The following DNM2 variants were observed in gnomAD, a reference collection of about 807,000 sequenced individuals.
DNM2 encodes dynamin-2.
A neutral mutation model predicts 99.0 loss-of-function variants in DNM2; 15 were observed. The ratio of observed to expected loss-of-function variants is 0.15; its 90% CI spans 0.10 to 0.23. The LOEUF is 0.23. Among genes scored for constraint, DNM2 ranks in the 10% least tolerant of loss-of-function variants. The pLI is 1.00. For missense variants in DNM2, 742 were observed against 1,189.4 expected, an observed-to-expected ratio of 0.62 and a Z score of 5.53; for synonymous variants, 525 against 481.2, an observed-to-expected ratio of 1.09 and a Z score of -1.19.
intron 18 of DNM2, among the ~76,000 whole-genome samples, chr19:10,827,403 TATAAA>T (rs1331886677): frequency 7.2e-5 from 11 of 151,976 alleles, no homozygotes; most frequent in African/African-American, 2.2e-4. Flanking sequence ...AATAGACTCT[TATAAA>T]ATAAAAATAT....
intron 3 of DNM2, among the ~76,000 whole-genome samples, chr19:10,774,124 T>C (rs2071072632): frequency 6.6e-6 from 1 of 152,220 alleles, no homozygotes; most frequent in African/African-American, 2.4e-5. Flanking sequence ...TTTGCACACA[T>C]ATTTTAGGTT....
In DNM2 at chr19:10,830,924, C is replaced by T. The variant is rs1306891811; in HGVS notation, c.2544-54C>T. On this transcript the variant is annotated intron_variant, in intron 20 of 20. Coordinates refer to ENST00000389253, the MANE Select transcript of DNM2 (RefSeq NM_001005361.3). The surrounding 1 kb of genome is among the most constrained non-coding windows in gnomAD (Gnocchi z 4.8). ...GTCCTCAACCCAGGCCTGCCTCTTG[C>T]TCCCGGCCTCACTGCCGTCTCCCCC... The T allele has an allele frequency of 6.4e-7, 1 of 1,569,544 alleles. No homozygotes were observed. The highest frequency in any genetic ancestry group is 8.7e-7 in the Non-Finnish European group (1 of 1,155,032).
intron 2 of DNM2, among the ~76,000 whole-genome samples, chr19:10,761,836 G>A (rs750709996): frequency 1.3e-5 from 2 of 152,138 alleles, no homozygotes; most frequent in Admixed American, 6.5e-5. Flanking sequence ...GACAGCAGCC[G>A]ATGGGCCCAC....
chr19:10,802,128 A>G (rs1234011693), intron 11 of DNM2, among the ~76,000 whole-genome samples, 160 bp from the exon 12 acceptor site: 1 of 151,896 alleles, frequency 6.6e-6, no homozygotes, highest in Non-Finnish European at 1.5e-5. Flanking sequence ...TCTGTTGCCT[A>G]TGAGGGTGTG....
At chr19:10,741,611 G>T (rs1258827221) in intron 1 of DNM2, among the ~76,000 whole-genome samples, 1 of 149,864 alleles carries the variant, frequency 6.7e-6, no homozygotes, top group Non-Finnish European at 1.5e-5. Flanking sequence ...GTGCAGTGGC[G>T]CGATCTTGGC....
intron 2 of DNM2, among the ~76,000 whole-genome samples, chr19:10,770,472 T>A (rs1336015569): frequency 6.6e-6 from 1 of 152,178 alleles, no homozygotes; most frequent in Non-Finnish European, 1.5e-5. Context: ...AGTGGTGTGA[T>A]CATAGATCAT....
intron 18 of DNM2, among the ~76,000 whole-genome samples, chr19:10,825,674 A>AAGAGAG (rs561156273): frequency 0.044 from 6,141 of 139,070 alleles, 281 homozygotes; most frequent in African/African-American, 0.11. Flanking sequence ...GTCTCAAGAA[A>AAGAGAG]AGAGAGAGAG....
chr19:10,826,378 G>A lies in DNM2; in HGVS notation c.2058+1157G>A, dbSNP rs999563011. On this transcript the variant is annotated intron_variant, in intron 18 of 20. Coordinates refer to ENST00000389253, the MANE Select transcript of DNM2 (RefSeq NM_001005361.3). ...GCAACCATACCCTTGGGTTGTGTTGGGCAGCCGCTGTGTCCTAATGATCTG... is the reference window on the plus strand; with the variant it reads ...GCAACCATACCCTTGGGTTGTGTTGAGCAGCCGCTGTGTCCTAATGATCTG... Among the ~76,000 whole-genome samples the A allele has an allele frequency of 4.6e-5, 7 of 152,318 alleles. No individual in the cohort carries two copies. The East Asian group carries it at 1.3e-3, about 29-fold the overall frequency.
In DNM2 at chr19:10,829,221, A is replaced by G. The variant is rs764409541; in HGVS notation, c.2244A>G (p.Val748=). The G allele has an allele frequency of 6.2e-7, 1 of 1,612,428 alleles. No homozygotes were observed. The highest frequency in any genetic ancestry group is 8.5e-7 in the Non-Finnish European group (1 of 1,179,710). ...DISTSTVSTP[V]PPPVDDTWLQ... is the part of the protein sequence containing the mutation. Reference sequence around the variant, plus strand: ...GCACCAGCACTGTGTCCACGCCTGTACCCCCGCCTGTCGATGACACCTGGC... The same window carrying G: ...GCACCAGCACTGTGTCCACGCCTGTGCCCCCGCCTGTCGATGACACCTGGC... Residue 748 remains valine, a synonymous_variant, in exon 19 of 21, where the codon GTA becomes GTG. Coordinates refer to ENST00000389253, the MANE Select transcript of DNM2 (RefSeq NM_001005361.3).
In DNM2 at chr19:10,812,035, C is replaced by T. The variant is rs1256173758; in HGVS notation, c.1558-229C>T. 6 of 524,690 alleles carry T rather than the reference C, an allele frequency of 1.1e-5. No individual in the cohort carries two copies. The highest frequency in any genetic ancestry group is 3.7e-6 in the Non-Finnish European group (1 of 271,644). 32.5% of individuals were successfully genotyped at this position (524,690 alleles called of 1,614,324 possible). A position where few individuals can be genotyped will look rare whatever the true frequency, so the allele number is the denominator to read the frequency against. ...CTGTGAGTCTATACCCCATCAGCCC[C>T]TGGCCCAGTGAGTCTGTCTGTCCGC... On this transcript the variant is annotated intron_variant, in intron 14 of 20. Coordinates refer to ENST00000389253, the MANE Select transcript of DNM2 (RefSeq NM_001005361.3). This position sits in a 1 kb window ranked among gnomAD's most constrained non-coding sequence, Gnocchi z 4.0.
In DNM2 at chr19:10,765,568, C is replaced by CACCTTCCCAGTGGCAAT. The variant is rs1403259970; in HGVS notation, c.235+5758_235+5774dup. On this transcript the variant is annotated intron_variant, in intron 2 of 20. Transcript: ENST00000389253. This position sits in a 1 kb window ranked among gnomAD's most constrained non-coding sequence, Gnocchi z 4.4. ...TGGCTGGGATGCCTGCCCAGGCTGA[C>CACCTTCCCAGTGGCAAT]ACCTTCCCAGTGGCAATTTGTCCTG... Among the ~76,000 whole-genome samples, 1 of 152,206 alleles carries CACCTTCCCAGTGGCAAT rather than the reference C, an allele frequency of 6.6e-6. No homozygotes were observed.
intron 16 of DNM2, among the ~76,000 whole-genome samples, chr19:10,822,227 C>G (rs2072997254): frequency 6.6e-6 from 1 of 150,474 alleles, no homozygotes; most frequent in South Asian, 2.1e-4. Flanking sequence ...CCTCTGTCAC[C>G]CACCCAGGCT....
In DNM2 at chr19:10,782,372, C is replaced by CTTTTTCTCTTTTT. The variant is rs572331915; in HGVS notation, c.689-583_689-582insCTCTTTTTTTTTT. On this transcript the variant is annotated intron_variant, in intron 5 of 20. Coordinates refer to ENST00000389253, the MANE Select transcript of DNM2 (RefSeq NM_001005361.3). ...TCTTTTTCTTTTTCTTTTTCTCTTTCTTTTTATTCAGAGTCTTGATCTGTC... is the reference window on the plus strand; with the variant it reads ...TCTTTTTCTTTTTCTTTTTCTCTTTCTTTTTCTCTTTTTTTTTTATTCAGAGTCTTGATCTGTC... Among the ~76,000 whole-genome samples, 11 of 150,794 alleles carry CTTTTTCTCTTTTT rather than the reference C, an allele frequency of 7.3e-5. 1 individual carries two copies. The highest frequency in any genetic ancestry group is 6.3e-4 in the South Asian group (3 of 4,792).
At chr19:10,803,464 C>T (rs540018248) in intron 12 of DNM2, among the ~76,000 whole-genome samples, 1 of 152,208 alleles carries the variant, frequency 6.6e-6, no homozygotes. Context: ...GTGCTCCCGG[C>T]CGCCGGGTGT....
At chr19:10,723,611 T>A (rs534672660) in intron 1 of DNM2, among the ~76,000 whole-genome samples, 1 of 152,360 alleles carries the variant, frequency 6.6e-6, no homozygotes, top group Non-Finnish European at 1.5e-5. Flanking sequence ...TTCTTTCCCT[T>A]TCTTGAATAG....
intron 13 of DNM2, among the ~76,000 whole-genome samples, chr19:10,807,914 G>A (rs529852932): frequency 8.6e-5 from 13 of 151,228 alleles, no homozygotes; most frequent in South Asian, 4.2e-4. Flanking sequence ...AGGCCGAGGC[G>A]GGCGGATCAC....
intron 15 of DNM2, among the ~76,000 whole-genome samples, chr19:10,819,077 G>GAA (rs1205802405): frequency 2.0e-5 from 3 of 152,158 alleles, no homozygotes. Flanking sequence ...CTCCCTAGCA[G>GAA]TCTGGACAGC....
chr19:10,805,992 C>T (rs1463458132), intron 13 of DNM2, 25 bp downstream of exon 13: 11 of 1,614,124 alleles, frequency 6.8e-6, no homozygotes, highest in Non-Finnish European at 8.5e-6. Context: ...TGCAGTCTCC[C>T]GCTCTACCCT....
At position 10,802,559 on chromosome 19, in the gene DNM2, C is replaced by T. The variant is rs1340985633; in HGVS notation, c.1493+201C>T. On this transcript the variant is annotated intron_variant, in intron 12 of 20. Transcript: ENST00000389253. Reference sequence around the variant, plus strand: ...GGTCCACTGTCCCCAACCAACACGCCTTCTGTGAGGCATCCCCATGGTTAG... The same window carrying T: ...GGTCCACTGTCCCCAACCAACACGCTTTCTGTGAGGCATCCCCATGGTTAG... 6.0e-6 allele frequency: 4 copies of T among 662,714 alleles called. No homozygotes were observed. The Admixed American group carries it at 8.4e-5, about 14-fold the overall frequency. The allele number at this position is 662,714 out of a possible 1,614,324, so 41.1% of individuals were successfully genotyped here.
Sources: allele counts gnomAD v4.1 joint callset (sites outside exome capture counted in the v4.1 genomes callset), GRCh38; gene constraint gnomAD v4.1.1; non-coding constraint Gnocchi (gnomAD v3.1); transcripts MANE v1.5; gene names NCBI Gene and HGNC (gene_info 2026-07-23, HGNC 2026-07-21).